Variants in PCDHGA4 observed in about 807,000 individuals in gnomAD.
PCDHGA4 encodes the protein protocadherin gamma-A4.
In PCDHGA4, 38 loss-of-function variants were observed where a neutral mutation model predicts 54.6. The ratio of observed to expected loss-of-function variants is 0.70; its 90% CI spans 0.54 to 0.91. The LOEUF is 0.91. PCDHGA4 is among the 40% of genes least tolerant of loss of function. The pLI, the probability that PCDHGA4 is intolerant of heterozygous loss-of-function variation, is 0.00. For synonymous variants in PCDHGA4, 511 were observed against 512.9 expected, an observed-to-expected ratio of 1.00 and a Z score of 0.05; for missense variants, 1,298 against 1,220.9, an observed-to-expected ratio of 1.06 and a Z score of -0.94.
intron 1 of PCDHGA4, among the ~76,000 whole-genome samples, chr5:141,455,860 A>T (rs1032468147): frequency 1.4e-5 from 2 of 139,848 alleles, no homozygotes; most frequent in South Asian, 2.3e-4. Context: ...AATTTCTTTT[A>T]TTATTTATTT....
chr5:141,433,208 C>CTTTT, intron 1 of PCDHGA4: 1 of 1,293,074 alleles, frequency 7.7e-7, no homozygotes, highest in African/African-American at 1.5e-5. Flanking sequence ...AATCTTCTTT[C>CTTTT]TTTTTTTTTT....
chr5:141,447,389 C>T (rs1467715872), intron 1 of PCDHGA4, among the ~76,000 whole-genome samples: 1 of 152,150 alleles, frequency 6.6e-6, no homozygotes, highest in African/African-American at 2.4e-5. Context: ...CTGCCCACCT[C>T]GGCCTCCCAA....
At chr5:141,427,526 G>A (rs956426158) in intron 1 of PCDHGA4, 2 of 612,866 alleles carry the variant, frequency 3.3e-6, no homozygotes, top group Middle Eastern at 2.6e-4. Context: ...AGCGGATCCC[G>A]GAGTACAACG....
chr5:141,371,007 C>G, intron 1 of PCDHGA4: 2 of 1,613,962 alleles, frequency 1.2e-6, no homozygotes, highest in African/African-American at 2.7e-5. Flanking sequence ...CAGGGAAGAG[C>G]AGCCACATCA....
chr5:141,384,022 G>C, intron 1 of PCDHGA4: 3 of 1,613,680 alleles, frequency 1.9e-6, no homozygotes, highest in Non-Finnish European at 2.5e-6. Context: ...ACAAGACAGA[G>C]ATTCTGGAAA....
At chr5:141,372,895 T>C in intron 1 of PCDHGA4, 1 of 1,115,450 alleles carries the variant, frequency 9.0e-7, no homozygotes, top group South Asian at 1.7e-5. Flanking sequence ...AGATTAAATA[T>C]TCCCTGATTA....
At chr5:141,456,702 C>T (rs1185842343) in intron 1 of PCDHGA4, among the ~76,000 whole-genome samples, 1 of 152,062 alleles carries the variant, frequency 6.6e-6, no homozygotes, top group Non-Finnish European at 1.5e-5. Flanking sequence ...TGGTGGCTCG[C>T]GCCTGTAATC....
chr5:141,496,140 T>C (rs1172903212), intron 2 of PCDHGA4, among the ~76,000 whole-genome samples: 1 of 152,006 alleles, frequency 6.6e-6, no homozygotes, highest in Admixed American at 6.6e-5. Flanking sequence ...CACTGAGCCT[T>C]TGATCGCAGC....
Position 141,511,350 on chromosome 5 carries a change from C to T in PCDHGA4, c.*177C>T, listed in dbSNP as rs1303365585. Reference sequence around the variant, plus strand: ...CCCAGTCAGCACCTACCCCTTCCCCCCCAGGGGGTTGAATATGCAAAAGCA... The same window carrying T: ...CCCAGTCAGCACCTACCCCTTCCCCTCCAGGGGGTTGAATATGCAAAAGCA... On this transcript the variant is annotated 3_prime_UTR_variant, in exon 4 of 4. Transcript: ENST00000571252. The T allele has an allele frequency of 6.4e-6, 9 of 1,397,076 alleles. No homozygotes were observed. Among genetic ancestry groups the T allele is most frequent in the Non-Finnish European group, 8.6e-6 (9 of 1,050,666 alleles). 86.5% of individuals were successfully genotyped at this position (1,397,076 alleles called of 1,614,324 possible).
At chr5:141,453,919 C>T (rs142719452) in intron 1 of PCDHGA4, among the ~76,000 whole-genome samples, 2 of 152,318 alleles carry the variant, frequency 1.3e-5, no homozygotes, top group African/African-American at 4.8e-5. Flanking sequence ...TGTCAGTGAT[C>T]AGTCACTGTG....
intron 1 of PCDHGA4, chr5:141,478,308 T>A: frequency 6.2e-7 from 1 of 1,614,050 alleles, no homozygotes; most frequent in Non-Finnish European, 8.5e-7. Context: ...CGAGCCCCGG[T>A]GAGCTCACTG....
In PCDHGA4 at chr5:141,487,737, T is replaced by G. The variant is rs1019622307; in HGVS notation, c.2515-7070T>G. 1 of 1,563,758 alleles carries G rather than the reference T, an allele frequency of 6.4e-7. No homozygotes were observed. The highest frequency in any genetic ancestry group is 8.7e-7 in the Non-Finnish European group (1 of 1,152,772). On this transcript the variant is annotated intron_variant, in intron 1 of 3. Transcript: ENST00000571252. This position sits in a 1 kb window ranked among gnomAD's most constrained non-coding sequence, Gnocchi z 5.0. ...GCCCATAGTGATGTCACCATTTTTG[T>G]AAGAGGTAACTATGTGGTAGACGCT...
chr5:141,399,109 A>G (rs1346301996), intron 1 of PCDHGA4: 4 of 1,613,714 alleles, frequency 2.5e-6, no homozygotes, highest in Admixed American at 3.3e-5. Context: ...TGCACAATGT[A>G]CAGTTGAAAT....
At chr5:141,384,532 A>T (rs766404100) in intron 1 of PCDHGA4, 1 of 1,614,238 alleles carries the variant, frequency 6.2e-7, no homozygotes, top group South Asian at 1.1e-5. Flanking sequence ...TCTCAGCAGC[A>T]ACATGTCACT....
Position 141,415,174 on chromosome 5 carries a change from G to C in PCDHGA4, c.2514+57553G>C, listed in dbSNP as rs1368688199. ...CTCCGCCACTGTCACGCTCACCGTG[G>C]CCGTGGCCGACAGCATCCCCCAAGT... On this transcript the variant is annotated intron_variant, in intron 1 of 3. Transcript: ENST00000571252. 4 of 1,613,784 alleles carry C rather than the reference G, an allele frequency of 2.5e-6. No homozygotes were observed. The African/African-American group carries it at 4.0e-5, about 16-fold the overall frequency.
chr5:141,396,727 G>T (rs2093426642), intron 1 of PCDHGA4: 1 of 152,114 alleles, frequency 6.6e-6, no homozygotes, highest in Non-Finnish European at 1.5e-5. Flanking sequence ...TACCTGAATT[G>T]ATTGTTGTAA....
chr5:141,498,971 G>GGGAAGGAAGGAAGGAAGGAA (rs201769957), intron 2 of PCDHGA4, among the ~76,000 whole-genome samples: 36 of 111,052 alleles, frequency 3.2e-4, no homozygotes, highest in African/African-American at 9.0e-4. Context: ...GAGGGAGGGA[G>GGGAAGGAAGGAAGGAAGGAA]GGAAGGAAGG....
At chr5:141,419,554 T>C (rs775925543) in intron 1 of PCDHGA4, 1 of 1,612,006 alleles carries the variant, frequency 6.2e-7, no homozygotes, top group Non-Finnish European at 8.5e-7. Flanking sequence ...TGCTGTACCC[T>C]GCGCTGGGTC....
chr5:141,404,982 G>GGATTA (rs1244941764), intron 1 of PCDHGA4: 10 of 1,613,938 alleles, frequency 6.2e-6, no homozygotes, highest in Non-Finnish European at 8.5e-6. Context: ...GACCTGGGCA[G>GGATTA]TCTTCAGATC....
Sources: gnomAD v4.1 joint callset for allele counts (sites outside exome capture counted in the v4.1 genomes callset) on GRCh38, gnomAD v4.1.1 for gene constraint, Gnocchi (gnomAD v3.1) non-coding constraint, MANE v1.5 for transcripts, NCBI Gene and HGNC (gene_info 2026-07-23, HGNC 2026-07-21) for gene names.